FBXO15: variants seen among roughly 807,000 people sequenced by gnomAD.
FBXO15 encodes the protein F-box only protein 15.
Under a neutral mutation model 49.5 loss-of-function variants are expected in FBXO15, and 30 were observed. The ratio of observed to expected loss-of-function variants is 0.61; its 90% CI spans 0.45 to 0.82. The LOEUF (loss-of-function observed/expected upper bound fraction) is 0.82. Ranked by LOEUF, FBXO15 falls within the 40% of genes least tolerant of loss-of-function variation. FBXO15 has a pLI of 0.00. For missense variants in FBXO15, 591 were observed against 631.5 expected (o/e 0.94, Z 0.69); for synonymous variants, 250 against 232.7 (o/e 1.07, Z -0.68).
intron 8 of FBXO15, among the ~76,000 whole-genome samples, chr18:74,106,023 A>G (rs890630614): frequency 2.0e-5 from 3 of 152,198 alleles, no homozygotes; most frequent in African/African-American, 7.2e-5. Flanking sequence ...TATTGGGAAC[A>G]TATTTTCATG....
chr18:74,104,695 C>CTAAATAAT (rs1913672311), intron 8 of FBXO15, among the ~76,000 whole-genome samples: 1 of 152,012 alleles, frequency 6.6e-6, no homozygotes, highest in Admixed American at 6.6e-5. Context: ...AAGAAGGTCA[C>CTAAATAAT]TAAATAATGA....
At position 74,073,467 on chromosome 18, in the gene FBXO15, T is replaced by C. The variant is rs1912113999; in HGVS notation, c.1527A>G (p.Glu509=). 1 of 1,612,562 alleles carries C rather than the reference T, an allele frequency of 6.2e-7. No individual in the cohort carries two copies. The highest frequency in any genetic ancestry group is 8.5e-7 in the Non-Finnish European group (1 of 1,179,100). ...AATAATTTGCCACCTACTGCTAATA[T>C]TCAGTCCCAAACCAATGGTTGATTT... ...IAKINHWFGT[E]Y is the part of the protein sequence containing the mutation. The change falls in exon 10 of 10, where the codon GAA becomes GAG. Residue 509 remains glutamate, a synonymous_variant. Coordinates refer to ENST00000419743, the MANE Select transcript of FBXO15 (RefSeq NM_001142958.2).
At chr18:74,100,565 C>T (rs1328857871) in intron 8 of FBXO15, among the ~76,000 whole-genome samples, 1 of 151,702 alleles carries the variant, frequency 6.6e-6, no homozygotes, top group African/African-American at 2.4e-5. Context: ...TAACCAAGAT[C>T]AGAGGAGAAC....
rs1273845123 is a variant in FBXO15, at chr18:74,074,588, C to T, written c.1264-858G>A. ...GTCTTCCAGCTGACTCACTGGATGA[C>T]TTCCACTACAACTGTACTTCAGATT... is the stretch of plus-strand genomic sequence containing the variant. On this transcript the variant is annotated intron_variant, in intron 9 of 9. Coordinates refer to ENST00000419743, the MANE Select transcript of FBXO15 (RefSeq NM_001142958.2). This position sits in a 1 kb window ranked among gnomAD's most constrained non-coding sequence, Gnocchi z 4.7. Among the ~76,000 whole-genome samples, 1 of 152,232 alleles carries T rather than the reference C, an allele frequency of 6.6e-6. No individual in the cohort carries two copies. The highest frequency in any genetic ancestry group is 1.5e-5 in the Non-Finnish European group (1 of 68,034).
At chr18:74,094,257 T>G (rs1913181600) in intron 8 of FBXO15, among the ~76,000 whole-genome samples, 2 of 152,188 alleles carry the variant, frequency 1.3e-5, no homozygotes, top group South Asian at 4.1e-4. Context: ...AGATTTCTCA[T>G]GAATGCTTTA....
At chr18:74,125,804 G>T (rs946538043) in intron 6 of FBXO15, among the ~76,000 whole-genome samples, 171 bp downstream of exon 6, 3 of 152,140 alleles carry the variant, frequency 2.0e-5, no homozygotes, top group African/African-American at 7.2e-5. Flanking sequence ...AGCCTCGGTG[G>T]AACAGAGAGG....
intron 8 of FBXO15, among the ~76,000 whole-genome samples, chr18:74,103,168 T>A (rs190984042): frequency 6.6e-6 from 1 of 151,714 alleles, no homozygotes; most frequent in Non-Finnish European, 1.5e-5. Flanking sequence ...AGCAAACAGA[T>A]TGAAATAATT....
intron 8 of FBXO15, among the ~76,000 whole-genome samples, chr18:74,107,709 G>C (rs1913832856): frequency 6.6e-6 from 1 of 152,142 alleles, no homozygotes. Flanking sequence ...ACTTATGTGA[G>C]TTTTACCTCT....
In FBXO15 at chr18:74,130,401, G is replaced by T. The variant is rs1477012567; in HGVS notation, c.575+15C>A. 9.3e-6 allele frequency: 15 copies of T among 1,613,366 alleles called. No homozygotes were observed. Among genetic ancestry groups the T allele is most frequent in the Admixed American group, 5.0e-5 (3 of 59,908 alleles). On this transcript the variant is annotated intron_variant, in intron 4 of 9. Transcript: ENST00000419743. ...GAGCTGATGCCATCATTCTCTTTTG[G>T]AACACACTGCGTACCTGAGGGCCTC...
chr18:74,083,246 C>G (rs1912581384), intron 8 of FBXO15, among the ~76,000 whole-genome samples: 1 of 152,192 alleles, frequency 6.6e-6, no homozygotes, highest in Admixed American at 6.5e-5. Flanking sequence ...GTGTAGCTTC[C>G]CTTCCACTCT....
At chr18:74,081,901 A>G in intron 9 of FBXO15, 26 bp downstream of exon 9, 1 of 1,533,126 alleles carries the variant, frequency 6.5e-7, no homozygotes. Context: ...AGTTACTTGA[A>G]GAAAAGAAAA....
chr18:74,123,165 G>GCCGTATCATTA, intron 8 of FBXO15: 1 of 489,360 alleles, frequency 2.0e-6, no homozygotes, highest in South Asian at 3.5e-5. Context: ...TGATGGTGGT[G>GCCGTATCATTA]AAGGAGACAG....
intron 1 of FBXO15, among the ~76,000 whole-genome samples, chr18:74,141,996 C>T (rs1384014890): frequency 1.3e-5 from 2 of 152,184 alleles, no homozygotes; most frequent in African/African-American, 4.8e-5. Context: ...TGATCAGCTG[C>T]TCCACTGGCA....
At chr18:74,146,952 C>T (rs1240442350) in intron 1 of FBXO15, 1 of 152,050 alleles carries the variant, frequency 6.6e-6, no homozygotes, top group Non-Finnish European at 1.5e-5. Context: ...TGGCATTATC[C>T]CTCCATCTGT....
At chr18:74,107,311 T>C (rs1488601878) in intron 8 of FBXO15, among the ~76,000 whole-genome samples, 1 of 151,976 alleles carries the variant, frequency 6.6e-6, no homozygotes, top group Non-Finnish European at 1.5e-5. Flanking sequence ...ATCCCACTTA[T>C]ATGTGGAATT....
rs1385750367 is a variant in FBXO15, at chr18:74,074,311, T to C, written c.1264-581A>G. On this transcript the variant is annotated intron_variant, in intron 9 of 9. Transcript: ENST00000419743. The surrounding 1 kb of genome is among the most constrained non-coding windows in gnomAD (Gnocchi z 4.7). ...TGGCACCAGCCCTGCTGTCTGCCTC[T>C]CCCTCTCACTCTCTCCCAAGTCTTC... 1.3e-5 allele frequency among the ~76,000 whole-genome samples: 2 copies of C among 152,126 alleles called. No individual in the cohort carries two copies. The highest frequency in any genetic ancestry group is 2.9e-5 in the Non-Finnish European group (2 of 68,022).
intron 8 of FBXO15, chr18:74,099,853 A>G (rs1599149665): frequency 1.3e-5 from 2 of 152,212 alleles, no homozygotes; most frequent in South Asian, 2.1e-4. Context: ...GCTTTGTCCA[A>G]CAGGAAAATA....
chr18:74,100,822 T>C (rs1218665956), intron 8 of FBXO15, among the ~76,000 whole-genome samples: 1 of 152,096 alleles, frequency 6.6e-6, no homozygotes, highest in African/African-American at 2.4e-5. Context: ...GATGGATAAA[T>C]TCCCGGAAAG....
intron 8 of FBXO15, among the ~76,000 whole-genome samples, chr18:74,090,748 G>A (rs1912988264): frequency 6.6e-6 from 1 of 152,120 alleles, no homozygotes; most frequent in South Asian, 2.1e-4. Context: ...TTTTTATTGT[G>A]CTGTGGTCCA....
Sources: allele counts gnomAD v4.1 joint callset (sites outside exome capture counted in the v4.1 genomes callset), GRCh38; gene constraint gnomAD v4.1.1; non-coding constraint Gnocchi (gnomAD v3.1); transcripts MANE v1.5; gene names NCBI Gene and HGNC (gene_info 2026-07-23, HGNC 2026-07-21).